Variants in TRHDE observed in about 807,000 individuals in gnomAD.
TRHDE encodes the protein thyrotropin releasing hormone degrading enzyme, also known as thyrotropin-releasing hormone-degrading ectoenzyme.
Under a neutral mutation model 125.7 loss-of-function variants are expected in TRHDE, and 72 were observed. The observed-to-expected ratio is 0.57, with a 90% CI of 0.47 to 0.70. The LOEUF is 0.70. Ranked by LOEUF, TRHDE falls within the 30% of genes least tolerant of loss-of-function variation. The pLI is 0.00. For missense variants in TRHDE, 1,110 were observed against 1,327.1 expected, an observed-to-expected ratio of 0.84 and a Z score of 2.54; for synonymous variants, 509 against 509.1, an observed-to-expected ratio of 1.00 and a Z score of 0.00.
In TRHDE at chr12:72,192,115, A is replaced by T. The variant is rs1373653965; in HGVS notation, n.279+86363A>T. Among the ~76,000 whole-genome samples the T allele has an allele frequency of 3.3e-5, 5 of 151,704 alleles. No individual in the cohort carries two copies. The East Asian group carries it at 9.7e-4, about 29-fold the overall frequency. On this transcript the variant is annotated intron_variant and non_coding_transcript_variant, in intron 2 of 4. Transcript: ENST00000548156. ...AGTTTATAGTGACTACTTATAAATG[A>T]CTTTTGTAAAACTTCTTAGTGATTT...
chr12:72,496,012 T>C (rs551077662), intron 5 of TRHDE, among the ~76,000 whole-genome samples: 21 of 152,324 alleles, frequency 1.4e-4, no homozygotes, highest in Middle Eastern at 6.8e-3. Context: ...ACTGTTGACA[T>C]TGAACTTATT....
chr12:72,662,953 T>C, intron 18 of TRHDE, 99 bp from the exon 19 acceptor site: 1 of 1,281,000 alleles, frequency 7.8e-7, no homozygotes, highest in South Asian at 1.5e-5. Context: ...TTCAAATATA[T>C]TGTTTTTTAA....
At chr12:72,241,920 G>T (rs1296673179) in intron 2 of TRHDE, among the ~76,000 whole-genome samples, 1 of 152,060 alleles carries the variant, frequency 6.6e-6, no homozygotes, top group South Asian at 2.1e-4. Context: ...TAATGATGTT[G>T]AACATATTTC....
intron 7 of TRHDE, among the ~76,000 whole-genome samples, chr12:72,554,440 G>A (rs1869825597): frequency 6.6e-6 from 1 of 152,128 alleles, no homozygotes; most frequent in Admixed American, 6.5e-5. Flanking sequence ...ATGACTGGTA[G>A]GAATCAGCAT....
intron 2 of TRHDE, among the ~76,000 whole-genome samples, chr12:72,228,675 A>C (rs1298238933): frequency 6.6e-6 from 1 of 152,204 alleles, no homozygotes; most frequent in African/African-American, 2.4e-5. Context: ...CTTTCCTTTT[A>C]AACATGAGTT....
intron 12 of TRHDE, among the ~76,000 whole-genome samples, chr12:72,589,960 T>A (rs1454456651): frequency 6.6e-6 from 1 of 152,046 alleles, no homozygotes; most frequent in Non-Finnish European, 1.5e-5. Flanking sequence ...TCTAGTTTTT[T>A]AAATGGAGTC....
intron 2 of TRHDE, among the ~76,000 whole-genome samples, chr12:72,324,972 A>G (rs939931690): frequency 2.0e-5 from 3 of 152,148 alleles, no homozygotes; most frequent in African/African-American, 7.2e-5. Context: ...AATGTACAGT[A>G]GGTTGTACTT....
At chr12:72,443,192 C>CCGTG (rs1011244467) in intron 3 of TRHDE, among the ~76,000 whole-genome samples, 1 of 144,416 alleles carries the variant, frequency 6.9e-6, no homozygotes, top group African/African-American at 2.5e-5. Flanking sequence ...TACTTCTTTC[C>CCGTG]TGTGTGTGTG....
intron 2 of TRHDE, among the ~76,000 whole-genome samples, chr12:72,184,964 C>G (rs192429374): frequency 1.3e-5 from 2 of 152,206 alleles, no homozygotes; most frequent in Non-Finnish European, 2.9e-5. Context: ...TCAGCCCCCC[C>G]ACTGCACTGT....
At chr12:72,588,502 GTAA>G (rs1457280955) in intron 12 of TRHDE, among the ~76,000 whole-genome samples, 1 of 152,174 alleles carries the variant, frequency 6.6e-6, no homozygotes, top group Non-Finnish European at 1.5e-5. Flanking sequence ...CATTGATCAT[GTAA>G]TAAACTATTG....
chr12:72,452,994 T>TGTGAG (rs1308570727), intron 3 of TRHDE, among the ~76,000 whole-genome samples: 5 of 152,184 alleles, frequency 3.3e-5, no homozygotes, highest in African/African-American at 1.2e-4. Flanking sequence ...GAGAACAGCC[T>TGTGAG]AACACAGATC....
intron 2 of TRHDE, among the ~76,000 whole-genome samples, chr12:72,355,577 C>G (rs534371696): frequency 6.6e-6 from 1 of 151,994 alleles, no homozygotes; most frequent in Non-Finnish European, 1.5e-5. Context: ...AACTTAAGAG[C>G]TTCTGCACAG....
intron 8 of TRHDE, 126 bp from the exon 9 acceptor site, chr12:72,562,727 G>T (rs1870238067): frequency 1.7e-6 from 1 of 581,164 alleles, no homozygotes; most frequent in Non-Finnish European, 2.9e-6. Flanking sequence ...CATTATATTG[G>T]CTTCAATGAC....
At chr12:72,238,237 T>C (rs1798114967) in intron 2 of TRHDE, among the ~76,000 whole-genome samples, 1 of 131,464 alleles carries the variant, frequency 7.6e-6, no homozygotes, top group Non-Finnish European at 1.6e-5. Context: ...TGGGTGTGGA[T>C]GGTAGCAGAA....
intron 2 of TRHDE, among the ~76,000 whole-genome samples, chr12:72,176,459 C>G (rs548738124): frequency 6.6e-6 from 1 of 152,196 alleles, no homozygotes; most frequent in African/African-American, 2.4e-5. Context: ...TGAGTGTGGG[C>G]AATGAGTGTT....
At chr12:72,244,154 G>A (rs926628528) in intron 2 of TRHDE, among the ~76,000 whole-genome samples, 11 of 152,148 alleles carry the variant, frequency 7.2e-5, no homozygotes, top group African/African-American at 2.7e-4. Context: ...GCACATTGGT[G>A]TATAGATTTT....
In TRHDE at chr12:72,393,985, A is replaced by G. The variant is rs1383168562; in HGVS notation, c.1315+15864A>G. ...CAATGAATGGATTGGAATTAGAGCT[A>G]GTAACTGTAAACGTGTACACCTGGC... On this transcript the variant is annotated intron_variant, in intron 3 of 18. Coordinates refer to ENST00000261180, the MANE Select transcript of TRHDE (RefSeq NM_013381.3). Among the ~76,000 whole-genome samples, 15 of 152,318 alleles carry G rather than the reference A, an allele frequency of 9.8e-5. No homozygotes were observed. In the East Asian group the frequency reaches 1.9e-3, roughly 20 times the overall value.
At chr12:72,573,112 GATTA>G (rs1870824793) in intron 10 of TRHDE, among the ~76,000 whole-genome samples, 1 of 151,798 alleles carries the variant, frequency 6.6e-6, no homozygotes, top group African/African-American at 2.4e-5. Context: ...GACACTTAGA[GATTA>G]ATTAATTCTG....
chr12:72,198,541 TG>T (rs776408096), intron 2 of TRHDE, among the ~76,000 whole-genome samples: 1 of 152,144 alleles, frequency 6.6e-6, no homozygotes, highest in Non-Finnish European at 1.5e-5. Flanking sequence ...TTTTAACTCA[TG>T]GTTCAATGGA....
Sources: gnomAD v4.1 joint callset for allele counts (sites outside exome capture counted in the v4.1 genomes callset) on GRCh38, gnomAD v4.1.1 for gene constraint, MANE v1.5 for transcripts, NCBI Gene and HGNC (gene_info 2026-07-23, HGNC 2026-07-21) for gene names.